The following FSTL5 variants were observed in gnomAD, a reference collection of about 807,000 sequenced individuals.
FSTL5 encodes the protein follistatin like 5.
FSTL5 carries 62 observed loss-of-function variants against 89.1 expected under a neutral mutation model. The observed-to-expected ratio is 0.70, with a 90% CI of 0.57 to 0.86. The LOEUF (loss-of-function observed/expected upper bound fraction) is 0.86, where lower values mean the gene tolerates loss of function less well. Ranked by LOEUF, FSTL5 falls within the 40% of genes least tolerant of loss-of-function variation. The pLI, the probability that FSTL5 is intolerant of heterozygous loss-of-function variation, is 0.00. For missense variants in FSTL5, 1,057 were observed against 1,001.6 expected (o/e 1.06, Z -0.75); for synonymous variants, 383 against 346.2 (o/e 1.11, Z -1.18).
intron 6 of FSTL5, among the ~76,000 whole-genome samples, chr4:161,747,459 A>T (rs151032136): frequency 1.3e-5 from 2 of 152,320 alleles, no homozygotes; most frequent in East Asian, 3.9e-4. Flanking sequence ...ATAAAGTGTT[A>T]TTATCATTAA....
At chr4:161,606,994 G>A (rs945978466) in intron 7 of FSTL5, among the ~76,000 whole-genome samples, 2 of 152,132 alleles carry the variant, frequency 1.3e-5, no homozygotes, top group African/African-American at 4.8e-5. Context: ...CTCATTAGGA[G>A]AGGCTGCAAG....
chr4:161,825,210 T>G (rs1172113185), intron 4 of FSTL5, among the ~76,000 whole-genome samples: 2 of 152,210 alleles, frequency 1.3e-5, no homozygotes, highest in Non-Finnish European at 2.9e-5. Context: ...ATTGTGTATG[T>G]GAAACCATCC....
chr4:161,604,611 A>G (rs1314388213), intron 7 of FSTL5, among the ~76,000 whole-genome samples: 1 of 152,140 alleles, frequency 6.6e-6, no homozygotes, highest in Non-Finnish European at 1.5e-5. Context: ...CTCACCGGGT[A>G]GTAGAGAAAG....
At chr4:161,480,167 G>A (rs925006746) in intron 13 of FSTL5, among the ~76,000 whole-genome samples, 3 of 152,106 alleles carry the variant, frequency 2.0e-5, no homozygotes, top group South Asian at 2.1e-4. Flanking sequence ...GATAGGAAAC[G>A]GGCATATAGC....
chr4:161,754,623 C>A (rs1391884224), intron 6 of FSTL5, among the ~76,000 whole-genome samples: 2 of 152,062 alleles, frequency 1.3e-5, no homozygotes, highest in Admixed American at 6.6e-5. Context: ...GTCATTTATA[C>A]CATTCTTGGT....
chr4:161,432,767 G>T (rs1732424117), intron 15 of FSTL5, among the ~76,000 whole-genome samples: 3 of 151,790 alleles, frequency 2.0e-5, no homozygotes, highest in Non-Finnish European at 4.4e-5. Context: ...TGATAGCACA[G>T]AAATTCAAAG....
In FSTL5 at chr4:161,539,881, C is replaced by T. The variant is rs12648952; in HGVS notation, c.1178-1581G>A. On this transcript the variant is annotated intron_variant, in intron 9 of 15. Coordinates refer to ENST00000306100, the MANE Select transcript of FSTL5 (RefSeq NM_020116.5). The stretch of plus-strand genomic sequence containing the variant: ...TCACCTTCTTGTTTTATATAAGATA[C>T]GGCCTCCTCCAAAATCATACCTTTT... 3.5e-3 allele frequency among the ~76,000 whole-genome samples: 500 copies of T among 144,364 alleles called. 6 individuals are homozygous for T. The East Asian group carries it at 0.04, about 12-fold the overall frequency. 94.7% of individuals were successfully genotyped at this position (144,364 alleles called of 152,430 possible). A position where few individuals can be genotyped will look rare whatever the true frequency, so the allele number is the denominator to read the frequency against.
chr4:161,693,113 G>A (rs1461939085), intron 6 of FSTL5, among the ~76,000 whole-genome samples: 1 of 152,086 alleles, frequency 6.6e-6, no homozygotes, highest in Non-Finnish European at 1.5e-5. Context: ...ATTTAGTCAT[G>A]GCAGCTCTAA....
chr4:161,474,540 T>C (rs967484932), intron 13 of FSTL5, among the ~76,000 whole-genome samples: 2 of 125,420 alleles, frequency 1.6e-5, no homozygotes, highest in Admixed American at 9.5e-5. Flanking sequence ...AGTTATTGTG[T>C]AGTGGTTTTT....
chr4:162,020,533 T>C (rs1388550206), intron 3 of FSTL5, among the ~76,000 whole-genome samples: 1 of 152,062 alleles, frequency 6.6e-6, no homozygotes, highest in Non-Finnish European at 1.5e-5. Context: ...ATAGCCTCAA[T>C]AGATGGGGAC....
At chr4:161,403,712 T>G (rs1731262880) in intron 15 of FSTL5, among the ~76,000 whole-genome samples, 1 of 152,178 alleles carries the variant, frequency 6.6e-6, no homozygotes, top group Admixed American at 6.5e-5. Context: ...AAAATATGGT[T>G]AAAGCAAAAG....
chr4:161,643,160 A>G (rs1487232905), intron 7 of FSTL5, among the ~76,000 whole-genome samples: 1 of 152,208 alleles, frequency 6.6e-6, no homozygotes, highest in Non-Finnish European at 1.5e-5. Flanking sequence ...ATATAGATGT[A>G]CAGTTCAATA....
intron 4 of FSTL5, among the ~76,000 whole-genome samples, chr4:161,897,450 A>T (rs2110777397): frequency 6.6e-6 from 1 of 151,604 alleles, no homozygotes; most frequent in African/African-American, 2.4e-5. Flanking sequence ...TTTATAGAAA[A>T]ATATGAGCAG....
chr4:161,732,084 T>TC (rs1204870838), intron 6 of FSTL5, among the ~76,000 whole-genome samples: 1 of 151,562 alleles, frequency 6.6e-6, no homozygotes, highest in Non-Finnish European at 1.5e-5. Flanking sequence ...ATACCGAACT[T>TC]TGAGAAACTA....
intron 15 of FSTL5, among the ~76,000 whole-genome samples, chr4:161,432,508 C>A (rs752094898): frequency 9.9e-5 from 15 of 151,768 alleles, no homozygotes; most frequent in Non-Finnish European, 1.3e-4. Flanking sequence ...AGAAAAACTT[C>A]AAATAAACTA....
chr4:161,949,987 G>T (rs1734846233), intron 3 of FSTL5, among the ~76,000 whole-genome samples: 1 of 151,850 alleles, frequency 6.6e-6, no homozygotes, highest in Admixed American at 6.6e-5. Flanking sequence ...TACAGTTTAT[G>T]ACTCATTTGT....
chr4:161,693,699 C>T (rs1046587427), intron 6 of FSTL5, among the ~76,000 whole-genome samples: 8 of 129,122 alleles, frequency 6.2e-5, no homozygotes, highest in Admixed American at 9.6e-5. Flanking sequence ...AGTGCAGTGG[C>T]GCGATCTCAG....
intron 13 of FSTL5, among the ~76,000 whole-genome samples, chr4:161,469,135 C>A (rs776338141): frequency 6.6e-6 from 1 of 152,082 alleles, no homozygotes; most frequent in Admixed American, 6.6e-5. Context: ...CTATTATTTT[C>A]ACTACTCTAA....
Position 162,111,414 on chromosome 4 carries a change from T to C in FSTL5, c.-16-2A>G. The C allele has an allele frequency of 1.3e-6, 2 of 1,585,906 alleles. No homozygotes were observed. The highest frequency in any genetic ancestry group is 1.7e-6 in the Non-Finnish European group (2 of 1,163,078). On this transcript the variant is annotated splice_acceptor_variant, in intron 1 of 15. Transcript: ENST00000306100. LOFTEE classifies it low-confidence loss of function (5UTR_SPLICE). ...TTAAACATCCTTATTGCTTTTCACC[T>C]GTCAAAATTAAAATTGCAAGGAATC... is the stretch of plus-strand genomic sequence containing the variant.
Sources: allele counts gnomAD v4.1 joint callset (sites outside exome capture counted in the v4.1 genomes callset), GRCh38; gene constraint gnomAD v4.1.1; transcripts MANE v1.5; gene names NCBI Gene and HGNC (gene_info 2026-07-23, HGNC 2026-07-21).